Variants in CSMD1 observed in about 807,000 individuals in gnomAD.
The protein encoded by CSMD1 is CUB and Sushi multiple domains 1, also known as CUB and sushi domain-containing protein 1.
Under a neutral mutation model 417.5 loss-of-function variants are expected in CSMD1, and 213 were observed. The ratio of observed to expected loss-of-function variants is 0.51; its 90% CI spans 0.46 to 0.57. CSMD1 has a LOEUF of 0.57. CSMD1 is among the 20% of genes least tolerant of loss of function. CSMD1 has a pLI of 0.00. For missense variants in CSMD1, 6,923 were observed against 4,529.7 expected (o/e 1.53, Z -15.17); for synonymous variants, 2,862 against 1,736.8 (o/e 1.65, Z -16.11).
At chr8:3,843,772 T>C (rs1227736284) in intron 5 of CSMD1, among the ~76,000 whole-genome samples, 1 of 152,172 alleles carries the variant, frequency 6.6e-6, no homozygotes, top group African/African-American at 2.4e-5. Context: ...GATTCTCAGA[T>C]CCACCATCTG....
chr8:4,215,584 A>G (rs1800619349), intron 3 of CSMD1, among the ~76,000 whole-genome samples: 1 of 152,060 alleles, frequency 6.6e-6, no homozygotes, highest in African/African-American at 2.4e-5. Context: ...TTTCCCTAAA[A>G]TTTATACATG....
At chr8:4,313,792 G>C (rs564108549) in intron 3 of CSMD1, among the ~76,000 whole-genome samples, 1 of 152,000 alleles carries the variant, frequency 6.6e-6, no homozygotes, top group African/African-American at 2.4e-5. Flanking sequence ...AAGGCAGGCG[G>C]ATCAAAAGGT....
intron 3 of CSMD1, among the ~76,000 whole-genome samples, chr8:4,073,223 A>C (rs1799650073): frequency 1.3e-5 from 2 of 152,196 alleles, no homozygotes; most frequent in African/African-American, 4.8e-5. Flanking sequence ...TTTTAAAAAT[A>C]AAAAGCAATA....
At chr8:4,497,700 T>C (rs999357644) in intron 2 of CSMD1, among the ~76,000 whole-genome samples, 2 of 152,140 alleles carry the variant, frequency 1.3e-5, no homozygotes, top group Admixed American at 6.5e-5. Flanking sequence ...AGAGCATAAA[T>C]AGTGTGCAAG....
intron 2 of CSMD1, among the ~76,000 whole-genome samples, chr8:4,613,354 C>T (rs1251462749): frequency 3.3e-5 from 5 of 152,190 alleles, no homozygotes; most frequent in African/African-American, 9.6e-5. Flanking sequence ...TTGTCATTCT[C>T]ACCTCCACAC....
intron 10 of CSMD1, among the ~76,000 whole-genome samples, chr8:3,504,882 G>A (rs560364571): frequency 6.6e-6 from 1 of 152,088 alleles, no homozygotes; most frequent in Non-Finnish European, 1.5e-5. Flanking sequence ...AATGTGGCAA[G>A]GAAAATTTCT....
intron 1 of CSMD1, among the ~76,000 whole-genome samples, chr8:4,871,523 C>T (rs1802739735): frequency 6.6e-6 from 1 of 152,204 alleles, no homozygotes; most frequent in African/African-American, 2.4e-5. Context: ...ATGGTCTCAC[C>T]AAGCACCCAA....
intron 7 of CSMD1, among the ~76,000 whole-genome samples, chr8:3,657,010 G>A (rs1585028603): frequency 6.6e-6 from 1 of 152,094 alleles, no homozygotes; most frequent in African/African-American, 2.4e-5. Context: ...ACCCACTCAT[G>A]GCCAATGAGA....
chr8:4,584,425 G>C (rs888216922), intron 2 of CSMD1, among the ~76,000 whole-genome samples: 4 of 152,162 alleles, frequency 2.6e-5, no homozygotes, highest in Middle Eastern at 6.8e-3. Context: ...CTAAATACCG[G>C]GCACCTGTCG....
At chr8:3,889,344 G>C (rs925057501) in intron 5 of CSMD1, among the ~76,000 whole-genome samples, 4 of 150,106 alleles carry the variant, frequency 2.7e-5, no homozygotes, top group Non-Finnish European at 4.4e-5. Context: ...ATGTCTTATG[G>C]TACTAAAACA....
chr8:3,309,943 C>G (rs2062792), intron 23 of CSMD1, among the ~76,000 whole-genome samples: 41,146 of 151,880 alleles, frequency 0.27, 6,470 homozygotes, highest in South Asian at 0.41. Flanking sequence ...TTTCCTTCCA[C>G]AAAGAGTCAG....
At chr8:3,439,142 A>C (rs1307222890) in intron 12 of CSMD1, among the ~76,000 whole-genome samples, 1 of 130,382 alleles carries the variant, frequency 7.7e-6, no homozygotes, top group Non-Finnish European at 1.6e-5. Context: ...AAAAAAAAAA[A>C]AAAAAAAAAA....
chr8:4,864,939 G>C (rs1174673232), intron 1 of CSMD1, among the ~76,000 whole-genome samples: 1 of 136,902 alleles, frequency 7.3e-6, no homozygotes, highest in Non-Finnish European at 1.6e-5. Context: ...TACAACACTG[G>C]TATTCTGAAA....
At chr8:4,455,622 A>T (rs532276939) in intron 2 of CSMD1, among the ~76,000 whole-genome samples, 2 of 152,088 alleles carry the variant, frequency 1.3e-5, no homozygotes, top group African/African-American at 4.8e-5. Context: ...TTTCTCTTTC[A>T]GGAGGAAAAA....
intron 5 of CSMD1, among the ~76,000 whole-genome samples, chr8:3,966,907 G>A (rs750661550): frequency 6.6e-6 from 1 of 152,196 alleles, no homozygotes; most frequent in Non-Finnish European, 1.5e-5. Flanking sequence ...TGACTTGAAT[G>A]CCGATGAATT....
rs1392324658 is a variant in CSMD1 at position 4,453,810 on chromosome 8, G to GTT, written c.303-33747_303-33746dup. Among the ~76,000 whole-genome samples the GTT allele has an allele frequency of 3.7e-3, 348 of 92,936 alleles. 3 individuals are homozygous for GTT. Among genetic ancestry groups the GTT allele is most frequent in the Middle Eastern group, 8.1e-3 (1 of 124 alleles). 61.0% of individuals were successfully genotyped at this position (92,936 alleles called of 152,430 possible). A position where few individuals can be genotyped will look rare whatever the true frequency, so the allele number is the denominator to read the frequency against. ...GTTCCCGAACAAGATTGCGCAATTC[G>GTT]TTTCTTTTTTTTTTTTTTTTTTTTT... On this transcript the variant is annotated intron_variant, in intron 2 of 69. Transcript: ENST00000635120.
chr8:3,315,198 G>C (rs537303487), intron 23 of CSMD1, among the ~76,000 whole-genome samples: 6 of 152,104 alleles, frequency 3.9e-5, no homozygotes, highest in Admixed American at 6.5e-5. Context: ...ATTTCCTTCA[G>C]TGTAAAGAAC....
In CSMD1 at chr8:4,101,425, T is replaced by C. The variant is rs75237169; in HGVS notation, c.416-69326A>G. Among the ~76,000 whole-genome samples the C allele has an allele frequency of 5.8e-3, 878 of 152,262 alleles. 8 individuals are homozygous for C. Among genetic ancestry groups the C allele is most frequent in the African/African-American group, 0.02 (838 of 41,566 alleles). ...TGGTTGGGCAGGTGAATATTTTCAT[T>C]GGCTGCACAGTTACCCTTGTGCTCT... On this transcript the variant is annotated intron_variant, in intron 3 of 69. Coordinates refer to ENST00000635120, the MANE Select transcript of CSMD1 (RefSeq NM_033225.6).
chr8:4,875,437 T>A (rs1205901893), intron 1 of CSMD1, among the ~76,000 whole-genome samples: 1 of 152,072 alleles, frequency 6.6e-6, no homozygotes, highest in Non-Finnish European at 1.5e-5. Flanking sequence ...CTATCCTAAA[T>A]ATGAATTAAA....
Sources: allele counts gnomAD v4.1 joint callset (sites outside exome capture counted in the v4.1 genomes callset), GRCh38; gene constraint gnomAD v4.1.1; transcripts MANE v1.5; gene names NCBI Gene and HGNC (gene_info 2026-07-23, HGNC 2026-07-21).